MAP4K3: variants seen among roughly 807,000 people sequenced by gnomAD.
MAP4K3 encodes the protein MAPK/ERK kinase kinase kinase 3.
In MAP4K3, 94 loss-of-function variants were observed where a neutral mutation model predicts 143.5. The ratio of observed to expected loss-of-function variants is 0.65; its 90% CI spans 0.55 to 0.78. The LOEUF is 0.78. MAP4K3 is among the 30% of genes least tolerant of loss of function. MAP4K3 has a pLI of 0.00. For missense variants in MAP4K3, 1,077 were observed against 1,068.1 expected (o/e 1.01, Z -0.12); for synonymous variants, 416 against 347.2 (o/e 1.20, Z -2.20).
chr2:39,314,347 T>C (rs766196928), intron 13 of MAP4K3, among the ~76,000 whole-genome samples: 20 of 152,240 alleles, frequency 1.3e-4, no homozygotes, highest in Non-Finnish European at 2.9e-4. Flanking sequence ...ACTTTTTGTA[T>C]ATTAAAGAAA....
At chr2:39,299,601 G>A in intron 16 of MAP4K3, 142 bp downstream of exon 16, 1 of 431,788 alleles carries the variant, frequency 2.3e-6, no homozygotes, top group Non-Finnish European at 4.2e-6. Context: ...GAGCAAGGAA[G>A]CAATGGAAAA....
intron 24 of MAP4K3, among the ~76,000 whole-genome samples, chr2:39,277,309 CT>C (rs2148461008): frequency 6.6e-6 from 1 of 152,342 alleles, no homozygotes; most frequent in Admixed American, 6.5e-5. Context: ...CATGCTTATC[CT>C]GTCTGTGTGA....
chr2:39,283,029 T>C (rs1681606046), intron 21 of MAP4K3, among the ~76,000 whole-genome samples: 5 of 152,236 alleles, frequency 3.3e-5, no homozygotes, highest in Non-Finnish European at 7.3e-5. Context: ...TTAAACATTA[T>C]TCGGTATTTA....
intron 27 of MAP4K3, among the ~76,000 whole-genome samples, chr2:39,266,406 G>A (rs1361377554): frequency 6.6e-6 from 1 of 152,080 alleles, no homozygotes; most frequent in African/African-American, 2.4e-5. Flanking sequence ...CTCACACAAG[G>A]CCAATGGCTC....
chr2:39,431,159 C>T (rs982281166), intron 1 of MAP4K3, among the ~76,000 whole-genome samples: 1 of 152,138 alleles, frequency 6.6e-6, no homozygotes, highest in South Asian at 2.1e-4. Context: ...AGTAAAGAGT[C>T]CAACTGAATT....
At chr2:39,343,532 A>G in intron 3 of MAP4K3, 80 bp from the exon 4 acceptor site, 2 of 1,108,590 alleles carry the variant, frequency 1.8e-6, no homozygotes, top group Non-Finnish European at 2.7e-6. Flanking sequence ...TTAAGGTTGT[A>G]AGCTGTAACA....
At chr2:39,268,770 G>T (rs1209525797) in intron 26 of MAP4K3, among the ~76,000 whole-genome samples, 1 of 146,788 alleles carries the variant, frequency 6.8e-6, no homozygotes, top group Non-Finnish European at 1.5e-5. Flanking sequence ...TTCTCAAATA[G>T]CTGTGATTAC....
chr2:39,258,525 A>C lies in MAP4K3; in HGVS notation c.2371T>G (p.Leu791Val), dbSNP rs1484969397. 1 of 1,613,092 alleles carries C rather than the reference A, an allele frequency of 6.2e-7. No homozygotes were observed. The highest frequency in any genetic ancestry group is 2.2e-5 in the East Asian group (1 of 44,866). ...QLERDTILVC[L>V]DCCIKIVNLQ... ...TTCATAAATAAAAACTTACAGTCCA[A>C]GCATACAAGGATGGTATCTCTCTCC... is the stretch of plus-strand genomic sequence containing the variant. The change falls in exon 30 of 34, where the codon TTG (leucine) becomes GTG (valine). Residue 791 changes from leucine (L) to valine (V), a missense_variant. By Grantham distance (32) the Leu-to-Val change is conservative (BLOSUM62 1). Around this residue, in one of 2 missense-constraint regions of MAP4K3, gnomAD observed 864 missense variants for 801.2 expected, o/e 1.08. Coordinates refer to ENST00000263881, the MANE Select transcript of MAP4K3 (RefSeq NM_003618.4).
chr2:39,283,349 GCTC>G (rs1236945667), intron 21 of MAP4K3, among the ~76,000 whole-genome samples: 1 of 152,104 alleles, frequency 6.6e-6, no homozygotes, highest in Non-Finnish European at 1.5e-5. Flanking sequence ...TTTCTCCTGT[GCTC>G]CTCATTAATT....
intron 12 of MAP4K3, among the ~76,000 whole-genome samples, chr2:39,318,945 T>C (rs1230709148): frequency 6.6e-6 from 1 of 152,182 alleles, no homozygotes; most frequent in East Asian, 1.9e-4. Context: ...CGGGGCAATT[T>C]TGTCCCTGAG....
In MAP4K3 at chr2:39,370,189, T is replaced by A. The variant is rs150437363; in HGVS notation, c.154+7877A>T. On this transcript the variant is annotated intron_variant, in intron 2 of 33. Transcript: ENST00000263881. ...ATTTTGGAGCATTATTACCTTTCAA[T>A]GTGTAAATATTCAATCTCTCCAGCT... 1.7e-3 allele frequency among the ~76,000 whole-genome samples: 258 copies of A among 152,364 alleles called. 6 individuals are homozygous for A. The East Asian group carries it at 0.024, about 14-fold the overall frequency.
intron 2 of MAP4K3, among the ~76,000 whole-genome samples, chr2:39,356,783 C>G (rs1012716573): frequency 1.3e-5 from 2 of 152,152 alleles, no homozygotes; most frequent in African/African-American, 4.8e-5. Context: ...TATTATTATG[C>G]CTTGGACATA....
At chr2:39,301,263 T>C (rs1216553113) in intron 15 of MAP4K3, among the ~76,000 whole-genome samples, 1 of 152,158 alleles carries the variant, frequency 6.6e-6, no homozygotes, top group African/African-American at 2.4e-5. Flanking sequence ...TAACACATCA[T>C]AAAAAAGACT....
At chr2:39,298,736 C>A (rs1355250740) in intron 16 of MAP4K3, among the ~76,000 whole-genome samples, 1 of 152,042 alleles carries the variant, frequency 6.6e-6, no homozygotes, top group Non-Finnish European at 1.5e-5. Context: ...GAGGCTGAGG[C>A]AGGTGGATCA....
intron 26 of MAP4K3, chr2:39,267,573 T>A (rs562000306): frequency 4.3e-6 from 1 of 232,062 alleles, no homozygotes; most frequent in East Asian, 9.1e-5. Context: ...CTCAGGAGGC[T>A]GAGGCAGGAG....
At chr2:39,397,897 G>A (rs1260615674) in intron 1 of MAP4K3, among the ~76,000 whole-genome samples, 1 of 152,094 alleles carries the variant, frequency 6.6e-6, no homozygotes, top group Non-Finnish European at 1.5e-5. Context: ...TATATGATAA[G>A]CTGAAAACAG....
chr2:39,302,194 T>A (rs1431144598), intron 15 of MAP4K3, among the ~76,000 whole-genome samples: 1 of 152,108 alleles, frequency 6.6e-6, no homozygotes, highest in Admixed American at 6.5e-5. Context: ...AAGTTGTAGA[T>A]ACATCCAAGT....
chr2:39,267,442 G>A, intron 26 of MAP4K3, 195 bp from the exon 27 acceptor site: 2 of 535,538 alleles, frequency 3.7e-6, no homozygotes, highest in Non-Finnish European at 6.7e-6. Flanking sequence ...GGAGGCCGAG[G>A]TGGGCGGATC....
intron 2 of MAP4K3, among the ~76,000 whole-genome samples, chr2:39,356,584 C>G (rs1022909454): frequency 6.6e-6 from 1 of 152,142 alleles, no homozygotes; most frequent in African/African-American, 2.4e-5. Flanking sequence ...GATTAAAATC[C>G]TAACTCTGTT....
Sources: allele counts gnomAD v4.1 joint callset (sites outside exome capture counted in the v4.1 genomes callset), GRCh38; gene constraint gnomAD v4.1.1; regional missense constraint gnomAD v4.1.1; transcripts MANE v1.5; gene names NCBI Gene and HGNC (gene_info 2026-07-23, HGNC 2026-07-21).